Variants in WDR70 observed in about 807,000 individuals in gnomAD.
WDR70 encodes WD repeat domain 70.
A neutral mutation model predicts 88.6 loss-of-function variants in WDR70; 53 were observed. That is an observed-to-expected ratio of 0.60 (90% CI 0.48 to 0.75). The LOEUF is 0.75. Ranked by LOEUF, WDR70 falls within the 30% of genes least tolerant of loss-of-function variation. The probability of loss-of-function intolerance (pLI) is 0.00; values close to 1 mark genes in which losing one functional copy is unlikely to be tolerated. For missense variants in WDR70, 610 were observed against 823.2 expected (o/e 0.74, Z 3.17); for synonymous variants, 280 against 270.0 (o/e 1.04, Z -0.36).
chr5:37,626,919 G>A (rs1429746300), intron 10 of WDR70, among the ~76,000 whole-genome samples: 1 of 151,922 alleles, frequency 6.6e-6, no homozygotes, highest in Non-Finnish European at 1.5e-5. Context: ...GTTGTTCATA[G>A]TACTCTCTAA....
intron 7 of WDR70, among the ~76,000 whole-genome samples, chr5:37,446,728 G>T (rs1189089753): frequency 1.3e-5 from 2 of 152,158 alleles, no homozygotes; most frequent in African/African-American, 2.4e-5. Context: ...GGGAAAACTG[G>T]CTAGCCATAT....
Position 37,437,947 on chromosome 5 carries a change from C to T in WDR70, c.518C>T (p.Ser173Leu). ...AATCCTGTTCACAAGATTCCTGACT[C>T]GCATGAGATAACGCTGAAGCATGGC... ...EENPVHKIPDSHEITLKHGTK... is the reference protein window; with the variant it reads ...EENPVHKIPDLHEITLKHGTK... Residue 173 changes from serine (S) to leucine (L), a missense_variant, in exon 6 of 18, where the codon TCG (serine) becomes TTG (leucine). Ser to Leu is a moderately radical substitution (Grantham distance 145). Around this residue, in one of 4 missense-constraint regions of WDR70, gnomAD observed 203 missense variants for 228.1 expected, o/e 0.89. Coordinates refer to ENST00000265107, the MANE Select transcript of WDR70 (RefSeq NM_018034.4). The T allele has an allele frequency of 6.2e-6, 10 of 1,608,818 alleles. No homozygotes were observed. Among genetic ancestry groups the T allele is most frequent in the Non-Finnish European group, 6.8e-6 (8 of 1,177,386 alleles).
At chr5:37,697,845 G>T (rs1409712747) in intron 11 of WDR70, 91 bp downstream of exon 11, 4 of 1,097,150 alleles carry the variant, frequency 3.6e-6, no homozygotes, top group South Asian at 1.9e-5. Context: ...GCTTAGTAAA[G>T]CTTGCTTTGA....
intron 9 of WDR70, among the ~76,000 whole-genome samples, chr5:37,577,959 C>T (rs546336706): frequency 2.0e-5 from 3 of 152,142 alleles, no homozygotes; most frequent in Non-Finnish European, 2.9e-5. Flanking sequence ...TACCTCAGAA[C>T]ACTGAGGAAC....
intron 17 of WDR70, among the ~76,000 whole-genome samples, chr5:37,735,427 A>G (rs756124069): frequency 1.3e-5 from 2 of 152,158 alleles, no homozygotes; most frequent in Non-Finnish European, 1.5e-5. Flanking sequence ...TCTGCAATTA[A>G]CAATGACTGA....
chr5:37,382,269 T>G (rs1748451191), intron 3 of WDR70, among the ~76,000 whole-genome samples: 1 of 150,838 alleles, frequency 6.6e-6, no homozygotes, highest in Admixed American at 6.6e-5. Flanking sequence ...CAGCTAATTT[T>G]TTGTATTTTT....
intron 7 of WDR70, among the ~76,000 whole-genome samples, chr5:37,451,778 G>A (rs951602541): frequency 6.6e-6 from 1 of 152,172 alleles, no homozygotes; most frequent in Non-Finnish European, 1.5e-5. Flanking sequence ...GGCGGATCAT[G>A]AGGTGAAGAG....
intron 10 of WDR70, among the ~76,000 whole-genome samples, chr5:37,666,052 G>A (rs146404812): frequency 2.0e-5 from 3 of 152,298 alleles, no homozygotes; most frequent in East Asian, 1.9e-4. Flanking sequence ...AGGAAGCATC[G>A]GCTCTCTTTG....
At position 37,724,922 on chromosome 5, in the gene WDR70, G is replaced by A. The variant is rs1231061537; in HGVS notation, c.1598-12G>A. On this transcript the variant is annotated splice_polypyrimidine_tract_variant and intron_variant, in intron 15 of 17. Transcript: ENST00000265107. ...TGTTATAATGAAATTTTTCAAATGT[G>A]ACTTCTTGTAGCTCATGCCTTGCCT... 6.2e-7 allele frequency: 1 copy of A among 1,611,346 alleles called. No homozygotes were observed.
chr5:37,674,439 G>A (rs1354459369), intron 10 of WDR70, among the ~76,000 whole-genome samples: 1 of 151,806 alleles, frequency 6.6e-6, no homozygotes, highest in Non-Finnish European at 1.5e-5. Context: ...GTGTCCATGT[G>A]TTCTCATTGT....
At chr5:37,506,161 A>G (rs980797970) in intron 8 of WDR70, 1 of 1,046,496 alleles carries the variant, frequency 9.6e-7, no homozygotes, top group Non-Finnish European at 1.5e-6. Flanking sequence ...CGAAGGTCCT[A>G]ACGAGAAACA....
At chr5:37,694,434 A>C (rs573350846) in intron 10 of WDR70, among the ~76,000 whole-genome samples, 6 of 152,324 alleles carry the variant, frequency 3.9e-5, no homozygotes, top group Non-Finnish European at 8.8e-5. Flanking sequence ...AATAGCAAAG[A>C]CTTGGAACCA....
intron 8 of WDR70, among the ~76,000 whole-genome samples, chr5:37,489,211 G>A (rs762034471): frequency 6.6e-6 from 1 of 152,186 alleles, no homozygotes; most frequent in Non-Finnish European, 1.5e-5. Context: ...CTGTTCTTGG[G>A]CCCTTGCGCA....
At chr5:37,707,948 AATATATATATATATATATATATATATAT>A (rs70978841) in intron 13 of WDR70, among the ~76,000 whole-genome samples, 1 of 33,772 alleles carries the variant, frequency 3.0e-5, no homozygotes, top group African/African-American at 1.0e-4. Context: ...AAAAAAAAAA[AATATATATATATATATATATATATATAT>A]ATATATATAT....
At position 37,392,163 on chromosome 5, in the gene WDR70, TAGGTG is replaced by T. The variant is rs756196017; in HGVS notation, c.296+44_296+48del. The T allele has an allele frequency of 2.6e-6, 4 of 1,557,774 alleles. No homozygotes were observed. In the African/African-American group the frequency reaches 4.3e-5, roughly 17 times the overall value. ...AGACTTCTATTAAACTATCAGTTTC[TAGGTG>T]TTTATAGAGTTTTTTTTTTTTTTTT... is the stretch of plus-strand genomic sequence containing the variant. On this transcript the variant is annotated intron_variant, in intron 4 of 17. Transcript: ENST00000265107.
In WDR70 at chr5:37,486,754, G is replaced by T. The variant is rs540763366; in HGVS notation, c.840+6767G>T. On this transcript the variant is annotated intron_variant, in intron 8 of 17. Transcript: ENST00000265107. ...ATATTGAGCTTTTTTTCATATGCTT[G>T]TTGGCCGCATGTGTCTTCTTTTGAA... is the stretch of plus-strand genomic sequence containing the variant. Among the ~76,000 whole-genome samples the T allele has an allele frequency of 3.4e-5, 5 of 146,970 alleles. 1 individual carries two copies. In the South Asian group the frequency reaches 7.0e-4, roughly 21 times the overall value.
chr5:37,612,370 A>G (rs1156452187), intron 10 of WDR70, among the ~76,000 whole-genome samples: 1 of 152,102 alleles, frequency 6.6e-6, no homozygotes, highest in African/African-American at 2.4e-5. Context: ...ATACAATTAC[A>G]TTATATTTTA....
chr5:37,530,511 A>C (rs1173480604), intron 9 of WDR70, among the ~76,000 whole-genome samples: 3 of 151,660 alleles, frequency 2.0e-5, no homozygotes, highest in Non-Finnish European at 4.4e-5. Flanking sequence ...GAATTTCTTT[A>C]TCTTTCTGCT....
intron 2 of WDR70, 80 bp downstream of exon 2, chr5:37,379,634 T>C: frequency 6.8e-7 from 1 of 1,478,620 alleles, no homozygotes; most frequent in Non-Finnish European, 9.4e-7. Context: ...GAGATCGAGC[T>C]GTCAACTCGG....
Sources: gnomAD v4.1 joint callset for allele counts (sites outside exome capture counted in the v4.1 genomes callset) on GRCh38, gnomAD v4.1.1 for gene constraint, gnomAD v4.1.1 regional missense constraint, MANE v1.5 for transcripts, NCBI Gene and HGNC (gene_info 2026-07-23, HGNC 2026-07-21) for gene names.